CPLANE1: variants seen among roughly 807,000 people sequenced by gnomAD.
CPLANE1 encodes ciliogenesis and planar polarity effector complex subunit 1, also known as ciliogenesis and planar polarity effector 1.
A neutral mutation model predicts 362.5 loss-of-function variants in CPLANE1; 263 were observed. The ratio of observed to expected loss-of-function variants is 0.73; its 90% CI spans 0.66 to 0.80. CPLANE1 has a LOEUF of 0.80. Among genes scored for constraint, CPLANE1 ranks in the 30% least tolerant of loss-of-function variants. The probability of loss-of-function intolerance (pLI) is 0.00; values close to 1 mark genes in which losing one functional copy is unlikely to be tolerated. For synonymous variants in CPLANE1, 1,212 were observed against 1,302.6 expected (o/e 0.93, Z 1.50); for missense variants, 3,461 against 3,793.4 (o/e 0.91, Z 2.30).
intron 42 of CPLANE1, among the ~76,000 whole-genome samples, chr5:37,152,819 G>A (rs1773956939): frequency 1.3e-5 from 2 of 152,072 alleles, no homozygotes; most frequent in Non-Finnish European, 2.9e-5. Flanking sequence ...AACCTGAGAG[G>A]TTGAGGCTGC....
rs770706714 is a variant in CPLANE1 at position 37,186,326 on chromosome 5, A to G, written c.4149T>C (p.Tyr1383=). The G allele has an allele frequency of 6.9e-6, 11 of 1,602,812 alleles. No individual in the cohort carries two copies. Among genetic ancestry groups the G allele is most frequent in the Admixed American group, 3.3e-5 (2 of 59,980 alleles). ...GTCTGAGTCTCTGGTGAAGAGAGTG[A>G]TATTTGTCTCTTAAAGGAACCCTCA... ...EDVRVPLRDK[Y]HSLHQRLRHC... is the part of the protein sequence containing the mutation. Residue 1383 remains tyrosine (Y), a synonymous_variant, in exon 24 of 53, where the codon TAT becomes TAC. Coordinates refer to ENST00000651892, the MANE Select transcript of CPLANE1 (RefSeq NM_001384732.1).
At chr5:37,091,445 T>C in the CPLANE1 span, among the ~76,000 whole-genome samples, 1 of 152,130 alleles carries the variant, frequency 6.6e-6, no homozygotes, top group Non-Finnish European at 1.5e-5. Context: ...ATATCCAACA[T>C]TCCACAGGCA....
At chr5:37,093,384 AC>A in the CPLANE1 span, among the ~76,000 whole-genome samples, 1 of 152,322 alleles carries the variant, frequency 6.6e-6, no homozygotes, top group South Asian at 2.1e-4. Flanking sequence ...TATCTGTGTC[AC>A]TTCTCTACCA....
intron 51 of CPLANE1, among the ~76,000 whole-genome samples, chr5:37,109,423 A>T (rs1003583260): frequency 2.6e-5 from 4 of 152,168 alleles, no homozygotes; most frequent in Admixed American, 6.5e-5. Flanking sequence ...AGATTTTCTA[A>T]CACACCTCTG....
Position 37,215,483 on chromosome 5 carries a change from T to A in CPLANE1, c.2747-1751A>T, listed in dbSNP as rs1793780995. Among the ~76,000 whole-genome samples the A allele has an allele frequency of 2.0e-5, 3 of 152,132 alleles. No homozygotes were observed. In the South Asian group the frequency reaches 6.2e-4, roughly 32 times the overall value. ...TACCAGTAAGGCTTCTAGTCAACAG[T>A]AGGCTATTAATGGTTAAGTTTTTCG... On this transcript the variant is annotated intron_variant, in intron 15 of 52. Coordinates refer to ENST00000651892, the MANE Select transcript of CPLANE1 (RefSeq NM_001384732.1).
chr5:37,080,365 C>A, the CPLANE1 span, among the ~76,000 whole-genome samples: 2 of 152,106 alleles, frequency 1.3e-5, no homozygotes, highest in African/African-American at 2.4e-5. Flanking sequence ...GATCAGAGTT[C>A]TGGGCAGTCA....
intron 46 of CPLANE1, among the ~76,000 whole-genome samples, chr5:37,132,253 G>A (rs1766055179): frequency 6.7e-6 from 1 of 149,748 alleles, no homozygotes; most frequent in Non-Finnish European, 1.5e-5. Context: ...AACTTCTTTT[G>A]AAAACAAAAT....
the CPLANE1 span, among the ~76,000 whole-genome samples, chr5:37,083,874 A>G: frequency 6.6e-6 from 1 of 152,244 alleles, no homozygotes; most frequent in Admixed American, 6.5e-5. Context: ...TAATCGAGGA[A>G]AATTTCCCTG....
rs770925354 is a variant in CPLANE1 at position 37,195,927 on chromosome 5, C to T, written c.3742G>A (p.Gly1248Ser). ...GCTCCAGGTCTAAAAAATGCGATACCTCCTTTACAGTAATTAAGTAATGAC... is the reference window on the plus strand; with the variant it reads ...GCTCCAGGTCTAAAAAATGCGATACTTCCTTTACAGTAATTAAGTAATGAC... Reference protein sequence around the residue: ...PQSLLNYCKGGIAFFRPGAAG... With the variant: ...PQSLLNYCKGSIAFFRPGAAG... Residue 1248 changes from glycine to serine, a missense_variant, in exon 21 of 53, where the codon GGT becomes AGT. Physicochemically the swap from Gly to Ser is moderately conservative, Grantham distance 56. This residue lies in a region of CPLANE1 where 3,380 missense variants were observed against 3,666.1 expected (regional missense o/e 0.92). Transcript: ENST00000651892. 23 of 1,612,834 alleles carry T rather than the reference C, an allele frequency of 1.4e-5. 1 individual carries two copies. In the Middle Eastern group the frequency reaches 6.6e-4, roughly 46 times the overall value.
At chr5:37,211,016 A>T in intron 16 of CPLANE1, 3 of 796,736 alleles carry the variant, frequency 3.8e-6, no homozygotes, top group Non-Finnish European at 6.9e-6. Flanking sequence ...AAACTCAGAC[A>T]GCCCTAGAGA....
chr5:37,093,167 G>A, the CPLANE1 span, among the ~76,000 whole-genome samples: 1 of 152,184 alleles, frequency 6.6e-6, no homozygotes, highest in Admixed American at 6.5e-5. Flanking sequence ...GCATTGCTGT[G>A]GCATCTATTA....
intron 46 of CPLANE1, chr5:37,130,807 A>C (rs1765534392): frequency 6.5e-6 from 1 of 152,768 alleles, no homozygotes; most frequent in Admixed American, 6.5e-5. Flanking sequence ...AAAAATCTTA[A>C]TGTGCAGGCA....
rs1789758597 is a variant in CPLANE1 at position 37,203,353 on chromosome 5, T to C, written c.3290-1545A>G. On this transcript the variant is annotated intron_variant, in intron 18 of 52. Transcript: ENST00000651892. Reference sequence around the variant, plus strand: ...ACGGTTCTGTGATTCATCTATGTTGTCACAAGTTATCAGCAATTTGTTCCT... The same window carrying C: ...ACGGTTCTGTGATTCATCTATGTTGCCACAAGTTATCAGCAATTTGTTCCT... Among the ~76,000 whole-genome samples, 4 of 152,234 alleles carry C rather than the reference T, an allele frequency of 2.6e-5. No homozygotes were observed. In the South Asian group the frequency reaches 8.3e-4, roughly 32 times the overall value.
chr5:37,187,349 T>G, intron 23 of CPLANE1, 65 bp downstream of exon 23: 1 of 1,310,912 alleles, frequency 7.6e-7, no homozygotes, highest in Non-Finnish European at 1.0e-6. Context: ...TTAATTAAAA[T>G]TAAATAAAAA....
intron 35 of CPLANE1, among the ~76,000 whole-genome samples, chr5:37,166,817 A>C (rs1182026692): frequency 6.6e-6 from 1 of 152,174 alleles, no homozygotes; most frequent in Non-Finnish European, 1.5e-5. Context: ...CCAGTCTATG[A>C]ATGGTAGGAA....
At chr5:37,194,713 C>T (rs901668512) in intron 21 of CPLANE1, among the ~76,000 whole-genome samples, 14 of 148,824 alleles carry the variant, frequency 9.4e-5, no homozygotes, top group African/African-American at 3.0e-4. Flanking sequence ...GGCTGGAGTG[C>T]GGTGGCTATT....
Position 37,169,225 on chromosome 5 carries a change from A to C in CPLANE1, c.6799T>G (p.Phe2267Val), listed in dbSNP as rs1779091619. The change falls in exon 34 of 53, where the codon TTC becomes GTC. Residue 2267 changes from phenylalanine to valine, a missense_variant. Physicochemically the swap from Phe to Val is conservative, Grantham distance 50. Transcript: ENST00000651892. ...PREAWGLSDS[F>V]QPALPQRAAQ... ...GCTCTCTGTGGCAGAGCAGGTTGGA[A>C]GGAGTCAGATAATCCCCAAGCCTCT... 1.9e-6 allele frequency: 3 copies of C among 1,614,062 alleles called. No homozygotes were observed. The highest frequency in any genetic ancestry group is 2.5e-6 in the Non-Finnish European group (3 of 1,180,028).
At chr5:37,228,159 T>C (rs1255723966) in intron 9 of CPLANE1, among the ~76,000 whole-genome samples, 1 of 152,170 alleles carries the variant, frequency 6.6e-6, no homozygotes, top group Non-Finnish European at 1.5e-5. Context: ...TATATTTAAA[T>C]ATGCTTACAC....
chr5:37,204,376 C>T (rs1242173935), intron 18 of CPLANE1, among the ~76,000 whole-genome samples: 1 of 152,154 alleles, frequency 6.6e-6, no homozygotes, highest in East Asian at 1.9e-4. Flanking sequence ...CATTAAATGA[C>T]TGATTTCATT....
Sources: allele counts gnomAD v4.1 joint callset (sites outside exome capture counted in the v4.1 genomes callset), GRCh38; gene constraint gnomAD v4.1.1; regional missense constraint gnomAD v4.1.1; transcripts MANE v1.5; gene names NCBI Gene and HGNC (gene_info 2026-07-23, HGNC 2026-07-21).